HBS1L: variants seen among roughly 807,000 people sequenced by gnomAD.
The protein encoded by HBS1L is HBS1 like translational GTPase.
Under a neutral mutation model 88.9 loss-of-function variants are expected in HBS1L, and 55 were observed. That is an observed-to-expected ratio of 0.62 (90% CI 0.50 to 0.77). The LOEUF is 0.77. Among genes scored for constraint, HBS1L ranks in the 30% least tolerant of loss-of-function variants. HBS1L has a pLI of 0.00. For missense variants in HBS1L, 741 were observed against 829.3 expected, an observed-to-expected ratio of 0.89 and a Z score of 1.31; for synonymous variants, 267 against 288.5, an observed-to-expected ratio of 0.93 and a Z score of 0.76.
At chr6:134,996,651 T>G in intron 7 of HBS1L, 126 bp downstream of exon 7, 1 of 661,600 alleles carries the variant, frequency 1.5e-6, no homozygotes, top group Non-Finnish European at 2.3e-6. Flanking sequence ...CCCTGATATC[T>G]AAAAGCTATT....
chr6:135,036,584 G>C, intron 4 of HBS1L: 1 of 1,494,684 alleles, frequency 6.7e-7, no homozygotes, highest in Non-Finnish European at 8.9e-7. Flanking sequence ...GCTTTTTTTT[G>C]ATTAGCTTTT....
intron 15 of HBS1L, among the ~76,000 whole-genome samples, chr6:134,972,374 C>G (rs4896120): frequency 0.58 from 88,353 of 151,996 alleles, 26,711 homozygotes; most frequent in African/African-American, 0.76. Context: ...TTCAACTCAT[C>G]GTGCTGGGAA....
chr6:135,038,511 T>A (rs997244373), intron 4 of HBS1L, among the ~76,000 whole-genome samples: 3 of 152,218 alleles, frequency 2.0e-5, no homozygotes, highest in Non-Finnish European at 2.9e-5. Context: ...CTCATTCCCA[T>A]CACAGCCAGT....
chr6:135,020,615 A>C (rs1045405627), intron 4 of HBS1L, among the ~76,000 whole-genome samples: 1 of 152,058 alleles, frequency 6.6e-6, no homozygotes, highest in Admixed American at 6.5e-5. Context: ...TATCAATGCT[A>C]TTATGAATAA....
Position 135,040,344 on chromosome 6 carries a change from CT to C in HBS1L, c.236-578del, listed in dbSNP as rs71006751. Reference sequence around the variant, plus strand: ...GGAGATTAAGGGGAGGATAGGCATTCTTTTTTTTTTTTTTTTTTTTTTTTGA... The same window carrying C: ...GGAGATTAAGGGGAGGATAGGCATTCTTTTTTTTTTTTTTTTTTTTTTTGA... On this transcript the variant is annotated intron_variant, in intron 3 of 17. Coordinates refer to ENST00000367837, the MANE Select transcript of HBS1L (RefSeq NM_006620.4). Among the ~76,000 whole-genome samples, 1,098 of 109,888 alleles carry C rather than the reference CT, an allele frequency of 1.0e-2. 4 individuals carry two copies. Among genetic ancestry groups the C allele is most frequent in the African/African-American group, 0.031 (869 of 27,968 alleles). The allele number at this position is 109,888 out of a possible 152,430, so 72.1% of individuals were successfully genotyped here. A position where few individuals can be genotyped will look rare whatever the true frequency, so the allele number is the denominator to read the frequency against.
At chr6:135,037,300 TTTTC>T (rs769907366) in intron 4 of HBS1L, 3 of 1,551,860 alleles carry the variant, frequency 1.9e-6, no homozygotes, top group Non-Finnish European at 2.6e-6. Flanking sequence ...GCTTATATTG[TTTTC>T]TTTGTGTTCC....
chr6:135,046,556 C>T (rs902271503), intron 2 of HBS1L, among the ~76,000 whole-genome samples: 6 of 152,062 alleles, frequency 3.9e-5, no homozygotes, highest in East Asian at 1.9e-4. Context: ...GAAAAGTTAA[C>T]GTTTAAAAAT....
intron 4 of HBS1L, among the ~76,000 whole-genome samples, chr6:135,031,231 G>T (rs1776374837): frequency 6.6e-6 from 1 of 151,948 alleles, no homozygotes; most frequent in Admixed American, 6.5e-5. Flanking sequence ...ATTAAATAAG[G>T]TGTCTTTAAA....
chr6:135,049,778 G>T (rs1006851320), intron 2 of HBS1L, among the ~76,000 whole-genome samples: 1 of 152,154 alleles, frequency 6.6e-6, no homozygotes, highest in African/African-American at 2.4e-5. Context: ...CACCATGTTG[G>T]CCAGGCTGGT....
At chr6:134,993,328 A>T (rs997963352) in intron 8 of HBS1L, among the ~76,000 whole-genome samples, 9 of 152,190 alleles carry the variant, frequency 5.9e-5, no homozygotes, top group South Asian at 4.1e-4. Flanking sequence ...TATTATAAAG[A>T]AAGTAAATAA....
intron 2 of HBS1L, among the ~76,000 whole-genome samples, chr6:135,045,984 C>T (rs1776900617): frequency 6.6e-6 from 1 of 152,204 alleles, no homozygotes; most frequent in African/African-American, 2.4e-5. Flanking sequence ...ATACTAGCTC[C>T]CTTACTCAAA....
Position 134,962,125 on chromosome 6 carries a change from G to A in HBS1L, c.*3154C>T, listed in dbSNP as rs1330126721. On this transcript the variant is annotated 3_prime_UTR_variant, in exon 18 of 18. Transcript: ENST00000367837. Reference sequence around the variant, plus strand: ...CATATTTCTATAAATATTTTAGAGGGAAATTAGAAGATGATTCAGTAGTTT... The same window carrying A: ...CATATTTCTATAAATATTTTAGAGGAAAATTAGAAGATGATTCAGTAGTTT... 1 of 152,102 alleles carries A rather than the reference G, an allele frequency of 6.6e-6. No individual in the cohort carries two copies. The highest frequency in any genetic ancestry group is 1.5e-5 in the Non-Finnish European group (1 of 68,022). The allele number at this position is 152,102 out of a possible 1,614,324, so 9.4% of individuals were successfully genotyped here. A position where few individuals can be genotyped will look rare whatever the true frequency, so the allele number is the denominator to read the frequency against.
intron 4 of HBS1L, among the ~76,000 whole-genome samples, chr6:135,012,595 G>GA (rs537796597): frequency 2.0e-5 from 3 of 152,054 alleles, no homozygotes; most frequent in Non-Finnish European, 4.4e-5. Flanking sequence ...GCTCTGTACA[G>GA]AAAAAATCTA....
intron 3 of HBS1L, among the ~76,000 whole-genome samples, chr6:135,041,124 A>G (rs1378603326): frequency 6.8e-6 from 1 of 147,854 alleles, no homozygotes; most frequent in African/African-American, 2.5e-5. Context: ...TGAACAAGTA[A>G]TCTACTGGCA....
At chr6:135,048,156 G>C (rs927994968) in intron 2 of HBS1L, among the ~76,000 whole-genome samples, 1 of 152,170 alleles carries the variant, frequency 6.6e-6, no homozygotes, top group Non-Finnish European at 1.5e-5. Context: ...AGGGACACCG[G>C]AAAGCCAGAG....
chr6:135,006,975 G>T (rs1775631979), intron 4 of HBS1L, among the ~76,000 whole-genome samples: 1 of 152,062 alleles, frequency 6.6e-6, no homozygotes, highest in African/African-American at 2.4e-5. Context: ...CCAACTTCCT[G>T]TTATAGTTCA....
intron 4 of HBS1L, among the ~76,000 whole-genome samples, chr6:135,009,925 C>A (rs915157315): frequency 7.9e-5 from 12 of 151,978 alleles, no homozygotes; most frequent in Non-Finnish European, 1.6e-4. Context: ...CCACCGTGCC[C>A]GGCCTAAATA....
At chr6:135,052,614 T>C (rs1777123758) in intron 1 of HBS1L, among the ~76,000 whole-genome samples, 1 of 152,024 alleles carries the variant, frequency 6.6e-6, no homozygotes. Context: ...AAAAACTCTT[T>C]TTTACTAGGT....
chr6:135,052,747 G>A (rs1777128092), intron 1 of HBS1L, among the ~76,000 whole-genome samples: 1 of 152,088 alleles, frequency 6.6e-6, no homozygotes, highest in Non-Finnish European at 1.5e-5. Flanking sequence ...TTTACCACAT[G>A]TAAAGAACAT....
Sources: allele counts gnomAD v4.1 joint callset (sites outside exome capture counted in the v4.1 genomes callset), GRCh38; gene constraint gnomAD v4.1.1; transcripts MANE v1.5; gene names NCBI Gene and HGNC (gene_info 2026-07-23, HGNC 2026-07-21).